The following UNC5C variants were observed in gnomAD, a reference collection of about 807,000 sequenced individuals.
UNC5C encodes the protein netrin receptor UNC5C.
In UNC5C, 47 loss-of-function variants were observed where a neutral mutation model predicts 99.8. That is an observed-to-expected ratio of 0.47 (90% CI 0.37 to 0.60). The LOEUF is 0.60. Ranked by LOEUF, UNC5C falls within the 20% of genes least tolerant of loss-of-function variation. UNC5C has a pLI of 0.00. For missense variants in UNC5C, 1,062 were observed against 1,165.9 expected, an observed-to-expected ratio of 0.91 and a Z score of 1.30; for synonymous variants, 487 against 452.2, an observed-to-expected ratio of 1.08 and a Z score of -0.98.
intron 2 of UNC5C, among the ~76,000 whole-genome samples, chr4:95,313,044 A>G (rs1477799801): frequency 6.6e-6 from 1 of 152,176 alleles, no homozygotes; most frequent in Admixed American, 6.5e-5. Context: ...TTGAGGGACC[A>G]TGGCAAAGTG....
intron 5 of UNC5C, among the ~76,000 whole-genome samples, chr4:95,246,200 C>A (rs1471084019): frequency 2.6e-5 from 4 of 152,046 alleles, no homozygotes. Context: ...CAAAGCCAGC[C>A]ACATATGTTC....
intron 14 of UNC5C, among the ~76,000 whole-genome samples, chr4:95,174,758 T>G (rs1426780423): frequency 6.8e-6 from 1 of 147,452 alleles, no homozygotes; most frequent in Non-Finnish European, 1.5e-5. Context: ...GTCTATTAGG[T>G]CTGCTTGGTG....
intron 7 of UNC5C, among the ~76,000 whole-genome samples, chr4:95,232,899 A>G (rs535492490): frequency 6.6e-6 from 1 of 152,330 alleles, no homozygotes; most frequent in South Asian, 2.1e-4. Flanking sequence ...TCTTCCAACT[A>G]TGGATAAAAG....
intron 1 of UNC5C, among the ~76,000 whole-genome samples, chr4:95,428,278 G>A (rs1324861437): frequency 6.6e-6 from 1 of 151,934 alleles, no homozygotes; most frequent in African/African-American, 2.4e-5. Flanking sequence ...TCGTAATCTT[G>A]GCACATATTC....
intron 1 of UNC5C, among the ~76,000 whole-genome samples, chr4:95,532,660 C>A (rs1722680267): frequency 6.6e-6 from 1 of 152,074 alleles, no homozygotes; most frequent in African/African-American, 2.4e-5. Context: ...GAGGAATTAA[C>A]ACTTGTTCAT....
chr4:95,330,097 A>C (rs1052270802), intron 2 of UNC5C, among the ~76,000 whole-genome samples: 2 of 152,068 alleles, frequency 1.3e-5, no homozygotes, highest in African/African-American at 4.8e-5. Flanking sequence ...TCTTTATTAC[A>C]TTCTAGGTAA....
chr4:95,201,464 T>G (rs11737434), intron 12 of UNC5C, among the ~76,000 whole-genome samples: 3 of 151,926 alleles, frequency 2.0e-5, no homozygotes, highest in Non-Finnish European at 4.4e-5. Context: ...TTCAATCATG[T>G]CTTTTTTCTG....
chr4:95,354,623 A>G (rs979331835), intron 1 of UNC5C, among the ~76,000 whole-genome samples: 1 of 151,596 alleles, frequency 6.6e-6, no homozygotes, highest in African/African-American at 2.4e-5. Flanking sequence ...TTGGAACTAC[A>G]GGCATGCACC....
chr4:95,317,725 A>T (rs2149411439), intron 2 of UNC5C, among the ~76,000 whole-genome samples: 1 of 152,248 alleles, frequency 6.6e-6, no homozygotes, highest in South Asian at 2.1e-4. Context: ...AAAGCTGGTA[A>T]AGAACACTAG....
intron 1 of UNC5C, among the ~76,000 whole-genome samples, chr4:95,360,868 A>G (rs1040041207): frequency 6.6e-6 from 1 of 152,220 alleles, no homozygotes; most frequent in East Asian, 1.9e-4. Flanking sequence ...TGTGAAAGAA[A>G]GTAATTACAA....
chr4:95,394,829 TA>T (rs57312373), intron 1 of UNC5C, among the ~76,000 whole-genome samples: 49,359 of 147,282 alleles, frequency 0.34, 8,323 homozygotes, highest in African/African-American at 0.36. Flanking sequence ...GGAATAAGAA[TA>T]AAAAAAAAAA....
intron 1 of UNC5C, among the ~76,000 whole-genome samples, chr4:95,448,123 G>C (rs1317304020): frequency 6.6e-6 from 1 of 151,786 alleles, no homozygotes; most frequent in Non-Finnish European, 1.5e-5. Context: ...ACCCTGATAT[G>C]TCAGGGCGGG....
chr4:95,347,725 AC>A (rs2149427326), intron 1 of UNC5C, among the ~76,000 whole-genome samples: 1 of 152,186 alleles, frequency 6.6e-6, no homozygotes, highest in East Asian at 1.9e-4. Context: ...AGGAAACTAG[AC>A]CCCTATCTCT....
intron 4 of UNC5C, among the ~76,000 whole-genome samples, chr4:95,259,516 C>T (rs1740141820): frequency 6.6e-6 from 1 of 152,134 alleles, no homozygotes; most frequent in African/African-American, 2.4e-5. Flanking sequence ...TTCAAGATTG[C>T]ACTACAAATA....
chr4:95,509,649 T>A (rs1338715502), intron 1 of UNC5C, among the ~76,000 whole-genome samples: 1 of 151,916 alleles, frequency 6.6e-6, no homozygotes, highest in Non-Finnish European at 1.5e-5. Context: ...AATTACTAGA[T>A]AATTAGTGAA....
At chr4:95,500,322 C>T (rs2149484172) in intron 1 of UNC5C, among the ~76,000 whole-genome samples, 1 of 152,032 alleles carries the variant, frequency 6.6e-6, no homozygotes, top group African/African-American at 2.4e-5. Context: ...TCTTGCCAGA[C>T]AATAAATTCC....
chr4:95,428,445 C>T (rs574317033), intron 1 of UNC5C, among the ~76,000 whole-genome samples: 2 of 152,196 alleles, frequency 1.3e-5, no homozygotes, highest in South Asian at 4.1e-4. Context: ...ATGGTGATTG[C>T]GTTTCTTATT....
At chr4:95,534,152 T>TA (rs1404400024) in intron 1 of UNC5C, among the ~76,000 whole-genome samples, 3 of 152,220 alleles carry the variant, frequency 2.0e-5, no homozygotes, top group Non-Finnish European at 4.4e-5. Context: ...AAAAGAGTGT[T>TA]AACCTGATTT....
chr4:95,256,245 A>C (rs1377898735), intron 4 of UNC5C, among the ~76,000 whole-genome samples: 1 of 151,716 alleles, frequency 6.6e-6, no homozygotes, highest in Non-Finnish European at 1.5e-5. Context: ...TCCAGCCCAG[A>C]CCCCACCGCT....
Sources: gnomAD v4.1 joint callset for allele counts (sites outside exome capture counted in the v4.1 genomes callset) on GRCh38, gnomAD v4.1.1 for gene constraint, MANE v1.5 for transcripts, NCBI Gene and HGNC (gene_info 2026-07-23, HGNC 2026-07-21) for gene names.